TMPRSS2: variants seen among roughly 807,000 people sequenced by gnomAD.
The protein encoded by TMPRSS2 is transmembrane protease serine 2.
TMPRSS2 carries 59 observed loss-of-function variants against 67.4 expected under a neutral mutation model. The ratio of observed to expected loss-of-function variants is 0.88; its 90% CI spans 0.71 to 1.09. The LOEUF (loss-of-function observed/expected upper bound fraction) is 1.09. TMPRSS2 is among the 50% of genes least tolerant of loss of function. The probability of loss-of-function intolerance (pLI) is 0.00; values close to 1 mark genes in which losing one functional copy is unlikely to be tolerated. For missense variants in TMPRSS2, 668 were observed against 642.7 expected (o/e 1.04, Z -0.43); for synonymous variants, 257 against 257.0 (o/e 1.00, Z 0.00).
Position 41,494,449 on chromosome 21 carries a change from C to T in TMPRSS2, c.145G>A (p.Val49Met), listed in dbSNP as rs777667088. The stretch of plus-strand genomic sequence containing the variant: ...AGGACCCTCGGGGCGTACTGGGGCA[C>T]GGGGGACGGGTAGTACTGAGCCGGA... ...VHPAQYYPSP[V>M]PQYAPRVLTQ... Residue 49 changes from valine (V) to methionine (M), a missense_variant, in exon 3 of 14, where the codon GTG becomes ATG. Val to Met is a conservative substitution (Grantham distance 21). Transcript: ENST00000332149. 28 of 1,613,390 alleles carry T rather than the reference C, an allele frequency of 1.7e-5. No individual in the cohort carries two copies. The highest frequency in any genetic ancestry group is 8.0e-5 in the African/African-American group (6 of 74,846).
chr21:41,489,668 T>TGTACTA, intron 3 of TMPRSS2, 75 bp from the exon 4 acceptor site: 1 of 935,038 alleles, frequency 1.1e-6, no homozygotes, highest in Middle Eastern at 2.2e-4. Flanking sequence ...TATCTATTAT[T>TGTACTA]TTTATAGTAC....
In TMPRSS2 at chr21:41,479,257, T is replaced by C; in HGVS notation, c.598A>G (p.Ile200Val). Residue 200 changes from isoleucine to valine, a missense_variant, in exon 7 of 14, where the codon ATA (isoleucine) becomes GTA (valine). Coordinates refer to ENST00000332149, the MANE Select transcript of TMPRSS2 (RefSeq NM_005656.4). Reference protein sequence around the residue: ...YKNNFYSSQGIVDDSGSTSFM... With the variant: ...YKNNFYSSQGVVDDSGSTSFM... ...CTGGTGGATCCGCTGTCATCCACTATTCCTTGGCTAGAGTAAAAATTATTC... is the reference window on the plus strand; with the variant it reads ...CTGGTGGATCCGCTGTCATCCACTACTCCTTGGCTAGAGTAAAAATTATTC... 6.2e-7 allele frequency: 1 copy of C among 1,613,930 alleles called. No homozygotes were observed. The highest frequency in any genetic ancestry group is 8.5e-7 in the Non-Finnish European group (1 of 1,179,944).
Position 41,480,580 on chromosome 21 carries a change from G to A in TMPRSS2, c.468C>T (p.Phe156=), listed in dbSNP as rs2146452168. 1 of 1,613,778 alleles carries A rather than the reference G, an allele frequency of 6.2e-7. No homozygotes were observed. The highest frequency in any genetic ancestry group is 8.5e-7 in the Non-Finnish European group (1 of 1,180,032). ...TCTGAGATGAGTACACCTGAAGGAT[G>A]AAGTTTGGTCCGTAGAGGCGAACTG... ...NRCVRLYGPN[F]ILQVYSSQRK... is the part of the protein sequence containing the mutation. Residue 156 remains phenylalanine (F), a synonymous_variant, in exon 6 of 14, where the codon TTC becomes TTT. Coordinates refer to ENST00000332149, the MANE Select transcript of TMPRSS2 (RefSeq NM_005656.4).
rs2091361798 is a variant in TMPRSS2, at chr21:41,494,386, T to TGGGCTGCGTGCAGACGACGGGGTTGGA, written c.181_207dup (p.Ser61_Pro69dup). 2 of 1,609,708 alleles carry TGGGCTGCGTGCAGACGACGGGGTTGGA rather than the reference T, an allele frequency of 1.2e-6. No homozygotes were observed. Among genetic ancestry groups the TGGGCTGCGTGCAGACGACGGGGTTGGA allele is most frequent in the East Asian group, 4.5e-5 (2 of 44,852 alleles). On this transcript the variant is annotated inframe_insertion, in exon 3 of 14. Transcript: ENST00000332149. ...GTGCACACTGTCCCGGATGGGGATTTGGGCTGCGTGCAGACGACGGGGTTG... is the reference window on the plus strand; with the variant it reads ...GTGCACACTGTCCCGGATGGGGATTTGGGCTGCGTGCAGACGACGGGGTTGGAGGGCTGCGTGCAGACGACGGGGTTG...
Position 41,506,061 on chromosome 21 carries a change from GTTA to G in TMPRSS2, c.-57+2017_-57+2019del, listed in dbSNP as rs371180501. 2.4e-3 allele frequency among the ~76,000 whole-genome samples: 370 copies of G among 152,328 alleles called. 1 individual carries two copies. The highest frequency in any genetic ancestry group is 8.2e-3 in the African/African-American group (342 of 41,562). On this transcript the variant is annotated intron_variant, in intron 1 of 13. Coordinates refer to ENST00000332149, the MANE Select transcript of TMPRSS2 (RefSeq NM_005656.4). ...AAAAAGTGCCACATCAATGTCTGTGGTTATTATTATAATGCCAGTGCAGCCAAA... is the reference window on the plus strand; with the variant it reads ...AAAAAGTGCCACATCAATGTCTGTGGTTATTATAATGCCAGTGCAGCCAAA...
intron 1 of TMPRSS2, among the ~76,000 whole-genome samples, chr21:41,506,035 A>G (rs1377726483): frequency 6.6e-6 from 1 of 152,232 alleles, no homozygotes; most frequent in East Asian, 1.9e-4. Context: ...TGCCTGGCTG[A>G]AAAAAGTGCC....
intron 2 of TMPRSS2, 109 bp downstream of exon 2, chr21:41,498,010 C>G (rs773791298): frequency 2.5e-6 from 2 of 807,892 alleles, no homozygotes; most frequent in Non-Finnish European, 2.0e-6. Context: ...CGTGGCCCGG[C>G]GTTCCCTACA....
rs143818732 is a variant in TMPRSS2, at chr21:41,483,204, T to C, written c.446-2602A>G. Among the ~76,000 whole-genome samples, 907 of 152,322 alleles carry C rather than the reference T, an allele frequency of 6.0e-3. 6 individuals are homozygous for C. Among genetic ancestry groups the C allele is most frequent in the Middle Eastern group, 0.02 (6 of 294 alleles). ...CTGGGGAGGAGTACAAGGAGCTCGC[T>C]GCCCTGTCTGTTTCATTTTCTGTAA... On this transcript the variant is annotated intron_variant, in intron 5 of 13. Coordinates refer to ENST00000332149, the MANE Select transcript of TMPRSS2 (RefSeq NM_005656.4).
chr21:41,470,943 A>G (rs540844961), intron 10 of TMPRSS2, among the ~76,000 whole-genome samples, 200 bp from the exon 11 acceptor site: 4 of 152,334 alleles, frequency 2.6e-5, no homozygotes, highest in Admixed American at 1.3e-4. Context: ...GCTACTTATA[A>G]GTAGAATTAT....
chr21:41,482,779 A>G (rs952430410), intron 5 of TMPRSS2, among the ~76,000 whole-genome samples: 4 of 152,236 alleles, frequency 2.6e-5, no homozygotes, highest in Non-Finnish European at 2.9e-5. Context: ...CTATCAAGCC[A>G]TGAAAAGGCA....
intron 3 of TMPRSS2, among the ~76,000 whole-genome samples, chr21:41,492,057 C>A (rs2091341473): frequency 6.6e-6 from 1 of 152,162 alleles, no homozygotes; most frequent in Non-Finnish European, 1.5e-5. Flanking sequence ...TAGCCAGAAG[C>A]AGTAGTGCAC....
chr21:41,468,398 G>C lies in TMPRSS2; in HGVS notation c.1312C>G (p.Gln438Glu), dbSNP rs772900547. The C allele has an allele frequency of 6.2e-7, 1 of 1,613,960 alleles. No homozygotes were observed. The highest frequency in any genetic ancestry group is 8.5e-7 in the Non-Finnish European group (1 of 1,180,012). ...GFLQGNVDSC[Q>E]GDSGGPLVTS... ...GTAGAATAAAAATGTTGAATTACCT[G>C]GCAAGAATCGACGTTCCCCTGCAGG... The change falls in exon 12 of 14, where the codon CAG becomes GAG. Residue 438 changes from glutamine (Q) to glutamate (E), a missense_variant and splice_region_variant. By Grantham distance (29) the Gln-to-Glu change is conservative. Coordinates refer to ENST00000332149, the MANE Select transcript of TMPRSS2 (RefSeq NM_005656.4).
At position 41,502,608 on chromosome 21, in the gene TMPRSS2, C is replaced by T. The variant is rs992437148; in HGVS notation, c.-56-4419G>A. On this transcript the variant is annotated intron_variant, in intron 1 of 13. Coordinates refer to ENST00000332149, the MANE Select transcript of TMPRSS2 (RefSeq NM_005656.4). ...ACCGCACTAATATCACATTATACAA[C>T]GAGATGTTCTATCCTCCTAAGGATA... is the stretch of plus-strand genomic sequence containing the variant. 17 of 984,086 alleles carry T rather than the reference C, an allele frequency of 1.7e-5. No homozygotes were observed. In the East Asian group the frequency reaches 3.4e-4, roughly 20 times the overall value. The allele number at this position is 984,086 out of a possible 1,614,324, so 61.0% of individuals were successfully genotyped here.
Position 41,478,331 on chromosome 21 carries a change from C to T in TMPRSS2, c.683+841G>A, listed in dbSNP as rs913147429. Among the ~76,000 whole-genome samples, 2 of 152,144 alleles carry T rather than the reference C, an allele frequency of 1.3e-5. No individual in the cohort carries two copies. The highest frequency in any genetic ancestry group is 2.9e-5 in the Non-Finnish European group (2 of 68,020). On this transcript the variant is annotated intron_variant, in intron 7 of 13. Coordinates refer to ENST00000332149, the MANE Select transcript of TMPRSS2 (RefSeq NM_005656.4). This position sits in a 1 kb window ranked among gnomAD's most constrained non-coding sequence, Gnocchi z 4.0. The stretch of plus-strand genomic sequence containing the variant: ...TGGCGCGGGGTGATTAGTTCATCCT[C>T]CCCCGAAATGCAGCACCTGGCACCT...
chr21:41,491,429 G>C (rs2091335355), intron 3 of TMPRSS2, among the ~76,000 whole-genome samples: 1 of 152,128 alleles, frequency 6.6e-6, no homozygotes, highest in African/African-American at 2.4e-5. Context: ...TTACAGGTGT[G>C]AGCCACTGCA....
intron 3 of TMPRSS2, among the ~76,000 whole-genome samples, chr21:41,492,368 C>T (rs1373018205): frequency 6.6e-6 from 1 of 152,190 alleles, no homozygotes; most frequent in African/African-American, 2.4e-5. Flanking sequence ...TCTCCAAAGC[C>T]TAAGGTTTAA....
At chr21:41,499,537 T>C (rs927559805) in intron 1 of TMPRSS2, among the ~76,000 whole-genome samples, 5 of 152,204 alleles carry the variant, frequency 3.3e-5, no homozygotes, top group African/African-American at 1.2e-4. Context: ...TGATGTCTGA[T>C]CACCCAGCCT....
chr21:41,488,175 A>G (rs1322741927), intron 5 of TMPRSS2: 5 of 459,750 alleles, frequency 1.1e-5, no homozygotes, highest in Non-Finnish European at 2.0e-5. Flanking sequence ...CCAATGACAC[A>G]GTCCTCGGTG....
intron 7 of TMPRSS2, among the ~76,000 whole-genome samples, chr21:41,477,247 C>A (rs1375612488): frequency 2.0e-5 from 3 of 152,204 alleles, no homozygotes; most frequent in Admixed American, 2.0e-4. Flanking sequence ...TGAATTATTT[C>A]ACTGAGCGTC....
Sources: allele counts gnomAD v4.1 joint callset (sites outside exome capture counted in the v4.1 genomes callset), GRCh38; gene constraint gnomAD v4.1.1; non-coding constraint Gnocchi (gnomAD v3.1); transcripts MANE v1.5; gene names NCBI Gene and HGNC (gene_info 2026-07-23, HGNC 2026-07-21).